The following BTBD8 variants were observed in gnomAD, a reference collection of about 807,000 sequenced individuals.
BTBD8 encodes the protein BTB/POZ domain-containing protein 8.
BTBD8 carries 110 observed loss-of-function variants against 162.9 expected under a neutral mutation model. The ratio of observed to expected loss-of-function variants is 0.68; its 90% CI spans 0.58 to 0.79. The LOEUF is 0.79. BTBD8 is among the 30% of genes least tolerant of loss of function. The pLI is 0.00. For synonymous variants in BTBD8, 667 were observed against 716.1 expected, an observed-to-expected ratio of 0.93 and a Z score of 1.10; for missense variants, 1,905 against 2,085.4, an observed-to-expected ratio of 0.91 and a Z score of 1.68.
At chr1:92,086,600 C>A (rs185815764) in intron 1 of BTBD8, among the ~76,000 whole-genome samples, 1 of 151,432 alleles carries the variant, frequency 6.6e-6, no homozygotes, top group African/African-American at 2.4e-5. Context: ...CATTGCACTC[C>A]AGCCTGGGCA....
chr1:92,164,092 T>A (rs538987194), intron 9 of BTBD8, among the ~76,000 whole-genome samples: 1 of 152,338 alleles, frequency 6.6e-6, no homozygotes, highest in Non-Finnish European at 1.5e-5. Context: ...AGGAAGTCAC[T>A]GGAAGAGGAA....
In BTBD8 at chr1:92,164,614, G is replaced by A. The variant is rs902286322; in HGVS notation, c.1123-2344G>A. 6.0e-5 allele frequency among the ~76,000 whole-genome samples: 9 copies of A among 149,778 alleles called. No homozygotes were observed. In the East Asian group the frequency reaches 6.1e-4, roughly 10 times the overall value. On this transcript the variant is annotated intron_variant, in intron 9 of 17. Coordinates refer to ENST00000636805, the MANE Select transcript of BTBD8 (RefSeq NM_001376131.1). ...AGCCTGGGTGACAGAGCGAGACCCC[G>A]TTACGGCGAGCTGAGATCGCACCAC...
intron 9 of BTBD8, among the ~76,000 whole-genome samples, chr1:92,152,835 C>T (rs2100646067): frequency 6.6e-6 from 1 of 152,216 alleles, no homozygotes; most frequent in African/African-American, 2.4e-5. Flanking sequence ...AAAAGATAAA[C>T]ATCAGAACAG....
chr1:92,184,319 A>T lies in BTBD8; in HGVS notation c.5368A>T (p.Thr1790Ser). The T allele has an allele frequency of 6.5e-7, 1 of 1,546,680 alleles. No individual in the cohort carries two copies. Among genetic ancestry groups the T allele is most frequent in the Non-Finnish European group, 8.7e-7 (1 of 1,144,168 alleles). ...CGAGTGGACAATTCTGGAACTGGAA[A>T]CTCAGCATTAAGTGTTAACATTTTG... ...QGEWTILELE[T>S]QH The change falls in exon 18 of 18, where the codon ACT becomes TCT. Residue 1790 changes from threonine to serine, a missense_variant. Physicochemically the swap from Thr to Ser is moderately conservative, Grantham distance 58 (BLOSUM62 1). Coordinates refer to ENST00000636805, the MANE Select transcript of BTBD8 (RefSeq NM_001376131.1).
intron 4 of BTBD8, among the ~76,000 whole-genome samples, chr1:92,116,252 C>T (rs1649040041): frequency 6.6e-6 from 1 of 151,890 alleles, no homozygotes; most frequent in Admixed American, 6.6e-5. Flanking sequence ...TTTTCGATGG[C>T]CCAGAATATG....
intron 9 of BTBD8, among the ~76,000 whole-genome samples, chr1:92,155,863 T>C (rs1650148494): frequency 6.6e-6 from 1 of 152,196 alleles, no homozygotes; most frequent in Non-Finnish European, 1.5e-5. Flanking sequence ...TATAAGATTA[T>C]GTTATCTGCA....
chr1:92,181,204 C>A lies in BTBD8; in HGVS notation c.3521C>A (p.Thr1174Lys), dbSNP rs1441547050. Reference protein sequence around the residue: ...KKSKVPVEGLTIPSKLSDESA... With the variant: ...KKSKVPVEGLKIPSKLSDESA... ...TCGAAAGTTCCTGTGGAAGGACTGA[C>A]AATTCCTAGTAAGTTGTCAGATGAA... The change falls in exon 17 of 18, where the codon ACA becomes AAA. Residue 1174 changes from threonine to lysine, a missense_variant. Around this residue, in one of 3 missense-constraint regions of BTBD8, gnomAD observed 1,374 missense variants for 1,442.7 expected, o/e 0.95. Transcript: ENST00000636805. 1.3e-6 allele frequency: 2 copies of A among 1,551,582 alleles called. No homozygotes were observed. Among genetic ancestry groups the A allele is most frequent in the African/African-American group, 2.7e-5 (2 of 73,058 alleles).
In BTBD8 at chr1:92,182,212, A is replaced by G. The variant is rs1650932849; in HGVS notation, c.4529A>G (p.Asn1510Ser). The change falls in exon 17 of 18, where the codon AAT becomes AGT. Residue 1510 changes from asparagine to serine, a missense_variant. Transcript: ENST00000636805. ...AATAAAGGCAATAGTGTATGTAAAA[A>G]TGAAAGCACTGTCTTGGATCTTAGT... is the stretch of plus-strand genomic sequence containing the variant. ...KQNKGNSVCK[N>S]ESTVLDLSSI... 1.9e-6 allele frequency: 3 copies of G among 1,550,704 alleles called. No individual in the cohort carries two copies. Among genetic ancestry groups the G allele is most frequent in the Non-Finnish European group, 2.6e-6 (3 of 1,146,774 alleles).
At chr1:92,134,956 A>T (rs1649597819) in intron 5 of BTBD8, among the ~76,000 whole-genome samples, 1 of 150,554 alleles carries the variant, frequency 6.6e-6, no homozygotes, top group African/African-American at 2.5e-5. Context: ...CAGTGGCGTG[A>T]TCTCGGCTCA....
chr1:92,116,873 T>G (rs769992830), intron 4 of BTBD8, among the ~76,000 whole-genome samples: 3 of 151,274 alleles, frequency 2.0e-5, no homozygotes, highest in Non-Finnish European at 4.4e-5. Context: ...TTTTTTTTAT[T>G]GGATCACTCT....
intron 4 of BTBD8, among the ~76,000 whole-genome samples, chr1:92,129,102 CT>C (rs1235984664): frequency 1.3e-5 from 2 of 151,352 alleles, no homozygotes; most frequent in Admixed American, 1.3e-4. Context: ...CTTTAGCTAC[CT>C]TTTTATATTT....
intron 4 of BTBD8, among the ~76,000 whole-genome samples, chr1:92,123,914 G>A (rs1197013976): frequency 1.3e-5 from 2 of 151,434 alleles, no homozygotes; most frequent in Admixed American, 1.3e-4. Context: ...GTCAGGAACC[G>A]AGATAATTCA....
Position 92,167,880 on chromosome 1 carries a change from G to C in BTBD8, c.1338G>C (p.Leu446Phe), listed in dbSNP as rs1452138266. 3.2e-6 allele frequency: 5 copies of C among 1,550,726 alleles called. No individual in the cohort carries two copies. Among genetic ancestry groups the C allele is most frequent in the Non-Finnish European group, 4.4e-6 (5 of 1,146,364 alleles). The change falls in exon 11 of 18, where the codon TTG becomes TTC. Residue 446 changes from leucine to phenylalanine, a missense_variant. By Grantham distance (22) the Leu-to-Phe change is conservative. Coordinates refer to ENST00000636805, the MANE Select transcript of BTBD8 (RefSeq NM_001376131.1). ...CAATGAGCAGCACAGCCGATCTGTTGGACACAATTTTAAAAGCAATTGAAG... is the reference window on the plus strand; with the variant it reads ...CAATGAGCAGCACAGCCGATCTGTTCGACACAATTTTAAAAGCAATTGAAG... The part of the protein sequence containing the change: ...SQAMSSTADL[L>F]DTILKAIEEN...
intron 2 of BTBD8, among the ~76,000 whole-genome samples, chr1:92,093,252 G>C (rs1262986316): frequency 6.7e-6 from 1 of 148,346 alleles, no homozygotes; most frequent in Admixed American, 6.8e-5. Flanking sequence ...GAGTGCAATG[G>C]CATGATTTCG....
At chr1:92,144,842 C>CACAT (rs397942102) in intron 7 of BTBD8, among the ~76,000 whole-genome samples, 2 of 147,462 alleles carry the variant, frequency 1.4e-5, no homozygotes, top group Non-Finnish European at 3.0e-5. Flanking sequence ...CACACACACA[C>CACAT]GTATACACAC....
At position 92,182,540 on chromosome 1, in the gene BTBD8, A is replaced by G. The variant is rs1650946841; in HGVS notation, c.4857A>G (p.Pro1619=). The G allele has an allele frequency of 1.3e-6, 2 of 1,534,752 alleles. No individual in the cohort carries two copies. The highest frequency in any genetic ancestry group is 4.4e-5 in the Admixed American group (2 of 45,876). Residue 1619 remains proline (P), a synonymous_variant, in exon 17 of 18, where the codon CCA becomes CCG. Coordinates refer to ENST00000636805, the MANE Select transcript of BTBD8 (RefSeq NM_001376131.1). ...GTCAAGTTCTGCCTCAGGAAGGTCC[A>G]GTGAAAGAGAGCCATTCTACAACTA... ...FRSQVLPQEG[P]VKESHSTTTE...
chr1:92,090,800 C>T (rs1021183024), intron 2 of BTBD8, among the ~76,000 whole-genome samples: 1 of 152,070 alleles, frequency 6.6e-6, no homozygotes, highest in Non-Finnish European at 1.5e-5. Context: ...GGCATGGTGG[C>T]GCATGCCTGT....
At chr1:92,183,435 A>G (rs1344415899) in intron 17 of BTBD8, among the ~76,000 whole-genome samples, 1 of 152,028 alleles carries the variant, frequency 6.6e-6, no homozygotes, top group Non-Finnish European at 1.5e-5. Context: ...TGCATGTGCA[A>G]TATACAAATA....
chr1:92,148,233 T>C (rs1388206081), intron 9 of BTBD8, among the ~76,000 whole-genome samples: 1 of 152,172 alleles, frequency 6.6e-6, no homozygotes, highest in Non-Finnish European at 1.5e-5. Context: ...GAAAAAAACA[T>C]TTGCTCTGGA....
Sources: gnomAD v4.1 joint callset for allele counts (sites outside exome capture counted in the v4.1 genomes callset) on GRCh38, gnomAD v4.1.1 for gene constraint, gnomAD v4.1.1 regional missense constraint, MANE v1.5 for transcripts, NCBI Gene and HGNC (gene_info 2026-07-23, HGNC 2026-07-21) for gene names.